The following FREM1 variants were observed in gnomAD, a reference collection of about 807,000 sequenced individuals.
FREM1 encodes FRAS1-related extracellular matrix protein 1.
Under a neutral mutation model 210.1 loss-of-function variants are expected in FREM1, and 220 were observed. That is an observed-to-expected ratio of 1.05 (90% CI 0.94 to 1.17). The LOEUF (loss-of-function observed/expected upper bound fraction) is 1.17. FREM1 is among the 50% of genes most tolerant of loss of function. The pLI is 0.00. For synonymous variants in FREM1, 1,189 were observed against 980.2 expected, an observed-to-expected ratio of 1.21 and a Z score of -3.98; for missense variants, 3,454 against 2,675.5, an observed-to-expected ratio of 1.29 and a Z score of -6.42.
intron 25 of FREM1, chr9:14,774,094 T>A (rs1034308730): frequency 1.9e-6 from 1 of 518,980 alleles, no homozygotes; most frequent in African/African-American, 1.9e-5. Context: ...TCTTCTTTCT[T>A]CTCCCAGTGC....
chr9:14,751,554 G>A (rs12682965), intron 29 of FREM1, among the ~76,000 whole-genome samples: 8 of 152,186 alleles, frequency 5.3e-5, no homozygotes, highest in African/African-American at 1.7e-4. Context: ...CAACCACTCA[G>A]GAGGCTGAGG....
chr9:14,785,236 C>T (rs1850229861), intron 23 of FREM1, among the ~76,000 whole-genome samples: 1 of 152,192 alleles, frequency 6.6e-6, no homozygotes, highest in Non-Finnish European at 1.5e-5. Context: ...GTTCACACAA[C>T]TGAATTTCAT....
intron 1 of FREM1, among the ~76,000 whole-genome samples, chr9:14,872,755 A>G (rs1390163011): frequency 6.6e-6 from 1 of 151,348 alleles, no homozygotes; most frequent in Non-Finnish European, 1.5e-5. Flanking sequence ...CCAGTTTTCA[A>G]AGGGAATGCT....
chr9:14,797,145 T>G (rs1908303), intron 21 of FREM1, among the ~76,000 whole-genome samples: 40,663 of 152,116 alleles, frequency 0.27, 5,762 homozygotes, highest in African/African-American at 0.35. Context: ...TTTAGTTGAA[T>G]CTATATATTA....
Position 14,904,654 on chromosome 9 carries a change from A to G in FREM1, c.-268+5260T>C, listed in dbSNP as rs542278272. On this transcript the variant is annotated intron_variant, in intron 1 of 36. Transcript: ENST00000380880. ...CAACTTTCAGAAAGGACTTTCCCTC[A>G]GTGCTGTCCAATAATGGCAAGAGCT... Among the ~76,000 whole-genome samples, 5 of 152,342 alleles carry G rather than the reference A, an allele frequency of 3.3e-5. No homozygotes were observed. In the East Asian group the frequency reaches 9.6e-4, roughly 29 times the overall value.
Position 14,824,821 on chromosome 9 carries a change from G to A in FREM1, c.2053C>T (p.Pro685Ser). Residue 685 changes from proline (P) to serine (S), a missense_variant, in exon 11 of 37, where the codon CCT becomes TCT. Transcript: ENST00000380880. ...CTGTGGCTGAAGGAGAAAAATGGAG[G>A]AGTAGTTATTGTGTAGACCAGCTCC... ...DRELVYTITTPPFFSFSHRHL... is the reference protein window; with the variant it reads ...DRELVYTITTSPFFSFSHRHL... 1.2e-6 allele frequency: 2 copies of A among 1,612,248 alleles called. No homozygotes were observed. Among genetic ancestry groups the A allele is most frequent in the Non-Finnish European group, 8.5e-7 (1 of 1,179,040 alleles).
chr9:14,842,733 A>G (rs1352506394), intron 8 of FREM1, 73 bp from the exon 9 acceptor site: 17 of 1,069,452 alleles, frequency 1.6e-5, no homozygotes, highest in Non-Finnish European at 2.2e-5. Flanking sequence ...GAAAGCATCA[A>G]TACAGTAGAG....
At chr9:14,796,674 A>G (rs1250115424) in intron 21 of FREM1, among the ~76,000 whole-genome samples, 1 of 152,160 alleles carries the variant, frequency 6.6e-6, no homozygotes, top group African/African-American at 2.4e-5. Context: ...CAGTTCTCAC[A>G]AGATCTGATG....
intron 1 of FREM1, among the ~76,000 whole-genome samples, chr9:14,869,540 A>G (rs1435076711): frequency 6.6e-6 from 1 of 152,178 alleles, no homozygotes; most frequent in Non-Finnish European, 1.5e-5. Context: ...TATTGCCAAC[A>G]AGTGTGGCTT....
chr9:14,817,584 C>T (rs759684152), intron 14 of FREM1, among the ~76,000 whole-genome samples: 19 of 152,150 alleles, frequency 1.2e-4, no homozygotes, highest in South Asian at 2.1e-4. Context: ...TTCTAAGGAG[C>T]TGCTGAAGTG....
At chr9:14,842,715 G>A (rs1038326930) in intron 8 of FREM1, 55 bp from the exon 9 acceptor site, 1 of 1,307,072 alleles carries the variant, frequency 7.7e-7, no homozygotes, top group African/African-American at 1.4e-5. Context: ...AGAAGCAGCA[G>A]CTGTGGGGAA....
intron 2 of FREM1, among the ~76,000 whole-genome samples, chr9:14,864,888 C>G (rs191312155): frequency 1.3e-5 from 2 of 152,264 alleles, no homozygotes; most frequent in East Asian, 3.9e-4. Flanking sequence ...AAATTGACAA[C>G]TAGGAAGGAG....
rs568129954 is a variant in FREM1, at chr9:14,769,818, T to C, written c.5110A>G (p.Ile1704Val). Residue 1704 changes from isoleucine to valine, a missense_variant, in exon 27 of 37, where the codon ATT becomes GTT. Coordinates refer to ENST00000380880, the MANE Select transcript of FREM1 (RefSeq NM_001379081.2). ...FSQKDLNSKT[I>V]LYIINPSLEV... is the part of the protein sequence containing the mutation. Reference sequence around the variant, plus strand: ...AAAGATGGGTTTATGATGTAAAGAATAGTCTTACTGTTTAAGTCCTTTTGG... The same window carrying C: ...AAAGATGGGTTTATGATGTAAAGAACAGTCTTACTGTTTAAGTCCTTTTGG... The C allele has an allele frequency of 3.1e-6, 5 of 1,606,934 alleles. No individual in the cohort carries two copies. The highest frequency in any genetic ancestry group is 1.7e-4 in the Middle Eastern group (1 of 6,044).
intron 36 of FREM1, 121 bp from the exon 37 acceptor site, chr9:14,737,716 G>A: frequency 1.3e-6 from 1 of 754,634 alleles, no homozygotes; most frequent in Non-Finnish European, 2.0e-6. Context: ...TCTAAAACAA[G>A]GGATAGGAAC....
Position 14,737,513 on chromosome 9 carries a change from G to A in FREM1, c.6423C>T (p.Pro2141=), listed in dbSNP as rs1291725334. 1 of 1,612,826 alleles carries A rather than the reference G, an allele frequency of 6.2e-7. No homozygotes were observed. Among genetic ancestry groups the A allele is most frequent in the South Asian group, 1.1e-5 (1 of 90,840 alleles). Reference sequence around the variant, plus strand: ...TCTTTCCAAGCTTGGAGCGTTGAGAGGGCCCTCTTCTCCCATTGGTGAAGG... The same window carrying A: ...TCTTTCCAAGCTTGGAGCGTTGAGAAGGCCCTCTTCTCCCATTGGTGAAGG... ...PVAFTNGRRG[P]SQRSKLGKSC... Residue 2141 remains proline, a synonymous_variant, in exon 37 of 37, where the codon CCC becomes CCT. Transcript: ENST00000380880.
chr9:14,792,707 G>A (rs368615367), intron 22 of FREM1, 36 bp downstream of exon 22: 82 of 1,520,720 alleles, frequency 5.4e-5, no homozygotes, highest in East Asian at 1.8e-4. Context: ...TACCTGCTAC[G>A]TTAGTTTTGA....
intron 1 of FREM1, among the ~76,000 whole-genome samples, chr9:14,882,197 A>C (rs1834915479): frequency 6.6e-6 from 1 of 152,146 alleles, no homozygotes; most frequent in African/African-American, 2.4e-5. Context: ...AATTTTGTTT[A>C]GTCACTAATC....
intron 1 of FREM1, among the ~76,000 whole-genome samples, chr9:14,882,111 T>G (rs985415167): frequency 2.0e-5 from 3 of 151,500 alleles, no homozygotes; most frequent in African/African-American, 7.3e-5. Flanking sequence ...TGTTATTATT[T>G]TGTGTGTGTG....
intron 5 of FREM1, among the ~76,000 whole-genome samples, chr9:14,853,472 T>G (rs540483076): frequency 6.6e-6 from 1 of 152,118 alleles, no homozygotes; most frequent in African/African-American, 2.4e-5. Context: ...GAGTGATAGA[T>G]CAATGAATGG....
Sources: allele counts gnomAD v4.1 joint callset (sites outside exome capture counted in the v4.1 genomes callset), GRCh38; gene constraint gnomAD v4.1.1; transcripts MANE v1.5; gene names NCBI Gene and HGNC (gene_info 2026-07-23, HGNC 2026-07-21).